VPS53: variants seen among roughly 807,000 people sequenced by gnomAD.
VPS53 encodes VPS53 subunit of GARP complex.
VPS53 carries 70 observed loss-of-function variants against 107.0 expected under a neutral mutation model. That is an observed-to-expected ratio of 0.65 (90% CI 0.54 to 0.80). The LOEUF (loss-of-function observed/expected upper bound fraction) is 0.80, where lower values mean the gene tolerates loss of function less well. Ranked by LOEUF, VPS53 falls within the 30% of genes least tolerant of loss-of-function variation. VPS53 has a pLI of 0.00. For synonymous variants in VPS53, 409 were observed against 393.3 expected (o/e 1.04, Z -0.47); for missense variants, 917 against 1,049.4 (o/e 0.87, Z 1.74).
chr17:572,345 G>C (rs533954352), intron 13 of VPS53, among the ~76,000 whole-genome samples: 1 of 150,888 alleles, frequency 6.6e-6, no homozygotes, highest in South Asian at 2.1e-4. Context: ...CCCTCCGCCC[G>C]GCAGCCGCCC....
chr17:654,524 G>A (rs1971095184), intron 6 of VPS53, among the ~76,000 whole-genome samples: 1 of 151,838 alleles, frequency 6.6e-6, no homozygotes, highest in South Asian at 2.1e-4. Context: ...AGATCACAAG[G>A]TCAGGAGATC....
At chr17:681,285 T>C (rs1471078952) in intron 4 of VPS53, among the ~76,000 whole-genome samples, 1 of 152,144 alleles carries the variant, frequency 6.6e-6, no homozygotes, top group African/African-American at 2.4e-5. Flanking sequence ...TACAGGTGCA[T>C]GCCACCACAC....
intron 11 of VPS53, among the ~76,000 whole-genome samples, chr17:602,357 G>C (rs1274961251): frequency 1.3e-5 from 2 of 152,222 alleles, no homozygotes; most frequent in African/African-American, 4.8e-5. Context: ...TGCCTAGCAT[G>C]TAGCAGGTCC....
intron 7 of VPS53, among the ~76,000 whole-genome samples, chr17:642,810 C>T (rs1440646864): frequency 2.6e-5 from 4 of 151,076 alleles, no homozygotes; most frequent in Non-Finnish European, 1.5e-5. Context: ...AACACTCATA[C>T]TTGGAAAGCG....
chr17:537,222 G>C, intron 17 of VPS53, 46 bp from the exon 18 acceptor site: 1 of 1,599,470 alleles, frequency 6.3e-7, no homozygotes, highest in Non-Finnish European at 8.5e-7. Context: ...GCAGGAGAAC[G>C]GTGTCGCCTG....
intron 4 of VPS53, among the ~76,000 whole-genome samples, chr17:682,720 A>T (rs1029639431): frequency 6.6e-6 from 1 of 152,178 alleles, no homozygotes; most frequent in Non-Finnish European, 1.5e-5. Flanking sequence ...GGCATTCAAT[A>T]AAAAATTTTA....
chr17:677,990 G>C (rs529406159), intron 4 of VPS53, among the ~76,000 whole-genome samples: 1 of 151,996 alleles, frequency 6.6e-6, no homozygotes, highest in African/African-American at 2.4e-5. Context: ...GCGTGGTGGC[G>C]AGTGCCTGTA....
chr17:659,222 A>G (rs1178830899), intron 5 of VPS53, among the ~76,000 whole-genome samples: 1 of 152,308 alleles, frequency 6.6e-6, no homozygotes, highest in African/African-American at 2.4e-5. Flanking sequence ...CTACAAAAAA[A>G]TCTCTGTATC....
At chr17:658,857 C>CT (rs1971326584) in intron 5 of VPS53, among the ~76,000 whole-genome samples, 1 of 152,134 alleles carries the variant, frequency 6.6e-6, no homozygotes, top group African/African-American at 2.4e-5. Context: ...GTGCCCTGCT[C>CT]TTTCAGGGTC....
chr17:631,758 G>T, intron 7 of VPS53, 130 bp from the exon 8 acceptor site: 1 of 708,448 alleles, frequency 1.4e-6, no homozygotes, highest in Non-Finnish European at 2.4e-6. Flanking sequence ...TCCATGAGGT[G>T]AGAGGTCACA....
At chr17:610,183 T>A (rs1968796868) in intron 11 of VPS53, among the ~76,000 whole-genome samples, 3 of 133,354 alleles carry the variant, frequency 2.2e-5, no homozygotes, top group East Asian at 2.1e-4. Context: ...ACACACAAAT[T>A]AGTAGACAAA....
chr17:551,348 C>T (rs1023785899), intron 17 of VPS53, among the ~76,000 whole-genome samples: 13 of 152,122 alleles, frequency 8.5e-5, no homozygotes, highest in African/African-American at 2.2e-4. Flanking sequence ...GGGAAGACTG[C>T]TTGACGCCAG....
At chr17:549,384 C>T (rs563687073) in intron 17 of VPS53, among the ~76,000 whole-genome samples, 3 of 152,086 alleles carry the variant, frequency 2.0e-5, no homozygotes, top group Non-Finnish European at 2.9e-5. Context: ...CCAGCTGCTG[C>T]GTTCCCAAGT....
At chr17:620,281 A>G (rs2143019832) in intron 11 of VPS53, among the ~76,000 whole-genome samples, 1 of 152,262 alleles carries the variant, frequency 6.6e-6, no homozygotes, top group Non-Finnish European at 1.5e-5. Context: ...AGCCCGATTC[A>G]CCTGCTCCAC....
intron 16 of VPS53, chr17:552,710 G>A (rs577501033): frequency 5.7e-6 from 1 of 175,376 alleles, no homozygotes; most frequent in East Asian, 1.6e-4. Flanking sequence ...TTCACAGTGA[G>A]ACAATGAAGA....
At position 686,023 on chromosome 17, in the gene VPS53, G is replaced by C. The variant is rs887017423; in HGVS notation, c.285+11395C>G. 1.3e-3 allele frequency among the ~76,000 whole-genome samples: 190 copies of C among 150,750 alleles called. 1 individual carries two copies. The highest frequency in any genetic ancestry group is 2.7e-3 in the Admixed American group (41 of 15,172). On this transcript the variant is annotated intron_variant, in intron 4 of 21. Coordinates refer to ENST00000437048, the MANE Select transcript of VPS53 (RefSeq NM_001128159.3). ...CCCTGTCTCTAAAAAAAAAAACAGA[G>C]AGAGAAGAGAATTGGCTGGTTGCAG... is the stretch of plus-strand genomic sequence containing the variant.
chr17:540,333 A>G (rs1910530023), intron 17 of VPS53: 1 of 151,860 alleles, frequency 6.6e-6, no homozygotes, highest in Non-Finnish European at 1.5e-5. Context: ...ACAGGTGTAC[A>G]CTACCATGCT....
chr17:660,389 C>A (rs1246476134), intron 5 of VPS53, among the ~76,000 whole-genome samples: 1 of 152,200 alleles, frequency 6.6e-6, no homozygotes, highest in Admixed American at 6.5e-5. Context: ...TCACTCCCAC[C>A]TCTTCCTCCC....
chr17:585,344 G>C (rs1343790626), intron 13 of VPS53, among the ~76,000 whole-genome samples: 1 of 152,172 alleles, frequency 6.6e-6, no homozygotes, highest in African/African-American at 2.4e-5. Context: ...TACACACTGA[G>C]GTCGTGAAAG....
Sources: gnomAD v4.1 joint callset for allele counts (sites outside exome capture counted in the v4.1 genomes callset) on GRCh38, gnomAD v4.1.1 for gene constraint, MANE v1.5 for transcripts, NCBI Gene and HGNC (gene_info 2026-07-23, HGNC 2026-07-21) for gene names.